ROR2: variants seen among roughly 807,000 people sequenced by gnomAD.
ROR2 encodes tyrosine-protein kinase transmembrane receptor ROR2.
ROR2 carries 33 observed loss-of-function variants against 74.9 expected under a neutral mutation model. The ratio of observed to expected loss-of-function variants is 0.44; its 90% CI spans 0.33 to 0.59. ROR2 has a LOEUF of 0.59. Among genes scored for constraint, ROR2 ranks in the 20% least tolerant of loss-of-function variants. ROR2 has a pLI of 0.02. For missense variants in ROR2, 1,216 were observed against 1,313.8 expected (o/e 0.93, Z 1.15); for synonymous variants, 586 against 558.7 (o/e 1.05, Z -0.69).
chr9:91,784,313 G>T (rs1177583484), intron 1 of ROR2, among the ~76,000 whole-genome samples: 4 of 152,196 alleles, frequency 2.6e-5, no homozygotes, highest in African/African-American at 4.8e-5. Context: ...CTGCTAACAT[G>T]CTGTGGGCGA....
chr9:91,923,780 C>T (rs1465628067), intron 1 of ROR2: 2 of 152,380 alleles, frequency 1.3e-5, no homozygotes, highest in East Asian at 3.8e-4. Flanking sequence ...AGGCCGTTTT[C>T]AGGATGGCAT....
chr9:91,908,841 T>TAAAC (rs1349057503), intron 1 of ROR2, among the ~76,000 whole-genome samples: 1 of 152,108 alleles, frequency 6.6e-6, no homozygotes, highest in African/African-American at 2.4e-5. Flanking sequence ...CCTTAAAATG[T>TAAAC]AAACACCTTA....
chr9:91,804,563 G>A lies in ROR2; in HGVS notation c.98-28745C>T, dbSNP rs1406676830. Among the ~76,000 whole-genome samples the A allele has an allele frequency of 3.9e-5, 6 of 152,218 alleles. No individual in the cohort carries two copies. In the East Asian group the frequency reaches 7.7e-4, roughly 20 times the overall value. ...GAGAAAGGCGGCTCACATGGGCCAC[G>A]CTTTAGCCAGGGTGGCAGAGCGTCA... On this transcript the variant is annotated intron_variant, in intron 1 of 8. Coordinates refer to ENST00000375708, the MANE Select transcript of ROR2 (RefSeq NM_004560.4).
rs564932649 is a variant in ROR2, at chr9:91,878,207, A to T, written c.97+71660T>A. Among the ~76,000 whole-genome samples the T allele has an allele frequency of 2.0e-5, 3 of 152,318 alleles. No homozygotes were observed. In the South Asian group the frequency reaches 6.2e-4, roughly 32 times the overall value. On this transcript the variant is annotated intron_variant, in intron 1 of 8. Transcript: ENST00000375708. ...TTAATCTGCACACTGATGTGGGGCAAGGGAAATGGCAGGAAGCAGGTAAGA... is the reference window on the plus strand; with the variant it reads ...TTAATCTGCACACTGATGTGGGGCATGGGAAATGGCAGGAAGCAGGTAAGA...
chr9:91,891,100 T>TA (rs1324797028), intron 1 of ROR2, among the ~76,000 whole-genome samples: 2 of 152,230 alleles, frequency 1.3e-5, no homozygotes. Context: ...TTTCTACTGT[T>TA]ACATAACAAA....
At chr9:91,826,564 A>T (rs1355233804) in intron 1 of ROR2, among the ~76,000 whole-genome samples, 1 of 151,952 alleles carries the variant, frequency 6.6e-6, no homozygotes, top group Non-Finnish European at 1.5e-5. Flanking sequence ...GGCGGATCAC[A>T]AGGTCAGGAG....
intron 1 of ROR2, among the ~76,000 whole-genome samples, chr9:91,926,705 C>G (rs1564043982): frequency 6.6e-6 from 1 of 151,378 alleles, no homozygotes; most frequent in Non-Finnish European, 1.5e-5. Context: ...CGGGTGAACC[C>G]TGATGAAATC....
At chr9:91,788,292 C>T (rs1020789674) in intron 1 of ROR2, among the ~76,000 whole-genome samples, 4 of 152,024 alleles carry the variant, frequency 2.6e-5, no homozygotes, top group Non-Finnish European at 4.4e-5. Context: ...GAAAAAAATA[C>T]TTGAAGAAAA....
At chr9:91,863,520 G>GAAAACA (rs986578583) in intron 1 of ROR2, among the ~76,000 whole-genome samples, 1 of 151,946 alleles carries the variant, frequency 6.6e-6, no homozygotes, top group East Asian at 1.9e-4. Context: ...TAAAAGAAAA[G>GAAAACA]AAAACAAAAA....
intron 7 of ROR2, among the ~76,000 whole-genome samples, chr9:91,728,834 T>C (rs1439219321): frequency 3.3e-5 from 5 of 152,218 alleles, no homozygotes; most frequent in African/African-American, 9.6e-5. Flanking sequence ...TTGGAGCAGA[T>C]AGATATGTGT....
chr9:91,946,571 T>G (rs1322298435), intron 1 of ROR2, among the ~76,000 whole-genome samples: 1 of 152,262 alleles, frequency 6.6e-6, no homozygotes, highest in Admixed American at 6.5e-5. Flanking sequence ...AAGATGGTTA[T>G]AAACCCTGGG....
chr9:91,908,007 T>G (rs1213504808), intron 1 of ROR2, among the ~76,000 whole-genome samples: 2 of 152,190 alleles, frequency 1.3e-5, no homozygotes, highest in Admixed American at 1.3e-4. Flanking sequence ...GTGATGACAC[T>G]AATTGTTGTG....
intron 1 of ROR2, among the ~76,000 whole-genome samples, chr9:91,850,271 C>T (rs1458014447): frequency 6.6e-6 from 1 of 152,126 alleles, no homozygotes; most frequent in Non-Finnish European, 1.5e-5. Context: ...TTTATGTTTC[C>T]TAATATAGTG....
chr9:91,754,091 A>G (rs1289640321), intron 4 of ROR2, among the ~76,000 whole-genome samples: 2 of 152,114 alleles, frequency 1.3e-5, no homozygotes, highest in African/African-American at 4.8e-5. Flanking sequence ...ATGGGAGGTC[A>G]GGCGGGACTT....
rs377045357 is a variant in ROR2 at position 91,900,443 on chromosome 9, C to T, written c.97+49424G>A. On this transcript the variant is annotated intron_variant, in intron 1 of 8. Transcript: ENST00000375708. ...ACGGTGGCGGCGCGGGGCAATCCTCCGGCTGCCTGGAGCAAGAGAGGCTGG... is the reference window on the plus strand; with the variant it reads ...ACGGTGGCGGCGCGGGGCAATCCTCTGGCTGCCTGGAGCAAGAGAGGCTGG... Among the ~76,000 whole-genome samples, 39 of 152,358 alleles carry T rather than the reference C, an allele frequency of 2.6e-4. 1 individual carries two copies. Among genetic ancestry groups the T allele is most frequent in the East Asian group, 2.1e-3 (11 of 5,188 alleles).
At chr9:91,930,666 T>C (rs1488609690) in intron 1 of ROR2, among the ~76,000 whole-genome samples, 2 of 152,132 alleles carry the variant, frequency 1.3e-5, no homozygotes, top group East Asian at 3.8e-4. Context: ...GGGGGCAAGA[T>C]TGACAAATCA....
At chr9:91,767,349 A>G (rs1239495481) in intron 2 of ROR2, among the ~76,000 whole-genome samples, 2 of 152,198 alleles carry the variant, frequency 1.3e-5, no homozygotes, top group African/African-American at 4.8e-5. Context: ...CTGGGATTAC[A>G]GGTGTGAGCC....
intron 4 of ROR2, among the ~76,000 whole-genome samples, chr9:91,744,213 C>CTTTT (rs1167780367): frequency 0.56 from 49,335 of 88,750 alleles, 15,215 homozygotes; most frequent in South Asian, 0.61. Context: ...AATTTGTTAA[C>CTTTT]TTTTTTTTTT....
At position 91,793,046 on chromosome 9, in the gene ROR2, C is replaced by T. The variant is rs2119011961; in HGVS notation, c.98-17228G>A. The stretch of plus-strand genomic sequence containing the variant: ...TCTCTTCCTAGAAGAAGAGGGGATA[C>T]TTTCCAACTTATTCTATGAGGTCAG... On this transcript the variant is annotated intron_variant, in intron 1 of 8. Coordinates refer to ENST00000375708, the MANE Select transcript of ROR2 (RefSeq NM_004560.4). Among the ~76,000 whole-genome samples, 4 of 152,314 alleles carry T rather than the reference C, an allele frequency of 2.6e-5. 1 individual carries two copies. In the Middle Eastern group the frequency reaches 0.01, roughly 389 times the overall value.
Sources: gnomAD v4.1 joint callset for allele counts (sites outside exome capture counted in the v4.1 genomes callset) on GRCh38, gnomAD v4.1.1 for gene constraint, MANE v1.5 for transcripts, NCBI Gene and HGNC (gene_info 2026-07-23, HGNC 2026-07-21) for gene names.